Variants in ANXA7 observed in about 807,000 individuals in gnomAD.
ANXA7 encodes annexin A7, also known as annexin VII.
A neutral mutation model predicts 64.9 loss-of-function variants in ANXA7; 55 were observed. The observed-to-expected ratio is 0.85, with a 90% CI of 0.68 to 1.06. The LOEUF (loss-of-function observed/expected upper bound fraction) is 1.06, where lower values mean the gene tolerates loss of function less well. Ranked by LOEUF, ANXA7 falls within the 50% of genes least tolerant of loss-of-function variation. The pLI, the probability that ANXA7 is intolerant of heterozygous loss-of-function variation, is 0.00. For synonymous variants in ANXA7, 200 were observed against 192.4 expected (o/e 1.04, Z -0.33); for missense variants, 548 against 582.1 (o/e 0.94, Z 0.60).
intron 1 of ANXA7, 91 bp from the exon 2 acceptor site, chr10:73,400,948 C>T: frequency 8.6e-7 from 1 of 1,164,108 alleles, no homozygotes; most frequent in East Asian, 2.9e-5. Flanking sequence ...CACTCTGTCA[C>T]CAGGTTGGAG....
At chr10:73,383,415 A>G (rs1180152798) in intron 8 of ANXA7, 70 bp from the exon 9 acceptor site, 2 of 1,460,300 alleles carry the variant, frequency 1.4e-6, no homozygotes, top group Non-Finnish European at 9.3e-7. Flanking sequence ...TCTTCGTCAA[A>G]TATTTCTTTG....
At chr10:73,399,068 C>T (rs370005429) in intron 2 of ANXA7, among the ~76,000 whole-genome samples, 44 of 152,158 alleles carry the variant, frequency 2.9e-4, no homozygotes, top group Middle Eastern at 3.2e-3. Flanking sequence ...AAACCTCTGG[C>T]AAATCCTCCA....
rs1165082338 is a variant in ANXA7, at chr10:73,379,958, C to T, written c.1090-4G>A. 6.2e-7 allele frequency: 1 copy of T among 1,613,544 alleles called. No individual in the cohort carries two copies. Among genetic ancestry groups the T allele is most frequent in the Non-Finnish European group, 8.5e-7 (1 of 1,179,920 alleles). On this transcript the variant is annotated splice_region_variant and splice_polypyrimidine_tract_variant and intron_variant, in intron 10 of 12. Coordinates refer to ENST00000372921, the MANE Select transcript of ANXA7 (RefSeq NM_001156.5). Reference sequence around the variant, plus strand: ...TTAACAAGTCTCGATTAGCCATCTGCAAACAAAATTAAAGGGTTAAATATT... The same window carrying T: ...TTAACAAGTCTCGATTAGCCATCTGTAAACAAAATTAAAGGGTTAAATATT...
At chr10:73,396,977 C>T (rs2055586237) in intron 4 of ANXA7, among the ~76,000 whole-genome samples, 187 bp downstream of exon 4, 1 of 152,070 alleles carries the variant, frequency 6.6e-6, no homozygotes, top group Non-Finnish European at 1.5e-5. Context: ...GTGACTTTAT[C>T]TCTATTTTAC....
intron 5 of ANXA7, among the ~76,000 whole-genome samples, chr10:73,395,560 GA>G (rs2055555882): frequency 1.3e-5 from 2 of 152,138 alleles, no homozygotes; most frequent in Admixed American, 1.3e-4. Flanking sequence ...GAGGCAGGTG[GA>G]TCACCTGAGG....
At chr10:73,386,071 G>A (rs2055364621) in intron 7 of ANXA7, among the ~76,000 whole-genome samples, 1 of 151,986 alleles carries the variant, frequency 6.6e-6, no homozygotes, top group African/African-American at 2.4e-5. Flanking sequence ...AAAATTAGCT[G>A]GGTGTGGTGG....
intron 5 of ANXA7, among the ~76,000 whole-genome samples, chr10:73,394,974 G>C (rs1166861233): frequency 6.6e-6 from 1 of 152,132 alleles, no homozygotes; most frequent in African/African-American, 2.4e-5. Context: ...TTATATGCAT[G>C]CTTAAACTAA....
intron 1 of ANXA7, among the ~76,000 whole-genome samples, chr10:73,409,865 C>T (rs763513157): frequency 6.6e-6 from 1 of 152,106 alleles, no homozygotes; most frequent in Non-Finnish European, 1.5e-5. Context: ...AAGCCAAATA[C>T]ATACAGCCAA....
chr10:73,394,700 G>A (rs1251366561), intron 5 of ANXA7, among the ~76,000 whole-genome samples: 2 of 152,132 alleles, frequency 1.3e-5, no homozygotes, highest in Non-Finnish European at 2.9e-5. Context: ...TCACACACCA[G>A]GGACTGTCGT....
intron 5 of ANXA7, 59 bp downstream of exon 5, chr10:73,396,460 G>GAT (rs1426065618): frequency 4.5e-5 from 58 of 1,295,902 alleles, no homozygotes; most frequent in Non-Finnish European, 6.2e-5. Context: ...CTCAGCAAAG[G>GAT]ATAGGTTCCT....
intron 1 of ANXA7, among the ~76,000 whole-genome samples, chr10:73,406,687 A>G (rs1195404713): frequency 6.6e-6 from 1 of 152,104 alleles, no homozygotes; most frequent in Non-Finnish European, 1.5e-5. Flanking sequence ...CTCTCATCTC[A>G]GTCTCCTGAA....
Position 73,403,032 on chromosome 10 carries a change from C to T in ANXA7, c.-1-2175G>A, listed in dbSNP as rs564898845. Among the ~76,000 whole-genome samples, 34 of 152,286 alleles carry T rather than the reference C, an allele frequency of 2.2e-4. No homozygotes were observed. The South Asian group carries it at 3.9e-3, about 18-fold the overall frequency. The stretch of plus-strand genomic sequence containing the variant: ...TAGAGATGGGGTTTCACCATCTTGG[C>T]CAGGCTGGTCTTGAACTACTGACCT... On this transcript the variant is annotated intron_variant, in intron 1 of 12. Coordinates refer to ENST00000372921, the MANE Select transcript of ANXA7 (RefSeq NM_001156.5).
chr10:73,386,214 TAAAA>T (rs377002771), intron 7 of ANXA7, among the ~76,000 whole-genome samples: 3 of 83,396 alleles, frequency 3.6e-5, no homozygotes, highest in Non-Finnish European at 5.6e-5. Context: ...CAAAAAAAAG[TAAAA>T]AAAAAAAAAA....
Position 73,396,437 on chromosome 10 carries a change from G to T in ANXA7, c.435+82C>A. The stretch of plus-strand genomic sequence containing the variant: ...ATTACTATAATGGGCCATTTCCTCC[G>T]ACCCATGGAAACCTCAGCAAAGGAT... On this transcript the variant is annotated intron_variant, in intron 5 of 12. Transcript: ENST00000372921. The T allele has an allele frequency of 4.0e-6, 4 of 1,003,350 alleles. No homozygotes were observed. The South Asian group carries it at 4.6e-5, about 11-fold the overall frequency. 62.2% of individuals were successfully genotyped at this position (1,003,350 alleles called of 1,614,324 possible).
intron 9 of ANXA7, among the ~76,000 whole-genome samples, chr10:73,382,868 G>A (rs2055296941): frequency 6.6e-6 from 1 of 152,064 alleles, no homozygotes; most frequent in Non-Finnish European, 1.5e-5. Flanking sequence ...GGGCATAATG[G>A]GCAGGATAGT....
intron 1 of ANXA7, among the ~76,000 whole-genome samples, chr10:73,407,656 C>T (rs1284802387): frequency 2.6e-5 from 4 of 152,228 alleles, no homozygotes; most frequent in Admixed American, 2.0e-4. Flanking sequence ...AAACCCAACT[C>T]AAGTCAACAT....
At position 73,396,582 on chromosome 10, in the gene ANXA7, A is replaced by G. The variant is rs771244872; in HGVS notation, c.372T>C (p.Gly124=). 11 of 1,601,002 alleles carry G rather than the reference A, an allele frequency of 6.9e-6. No homozygotes were observed. In the South Asian group the frequency reaches 1.2e-4, roughly 18 times the overall value. ...AAGGCATCTGTCCTCCAGGAAAGCC[A>G]CCTATAATGTTAAAAAAAATAATAA... ...GGGPAQVPLP[G]GFPGGQMPSQ... Residue 124 remains glycine (G), a splice_region_variant and synonymous_variant, in exon 5 of 13, where the codon GGT becomes GGC. Transcript: ENST00000372921.
At position 73,399,192 on chromosome 10, in the gene ANXA7, C is replaced by A. The variant is rs141117975; in HGVS notation, c.55-807G>T. 4.0e-3 allele frequency among the ~76,000 whole-genome samples: 608 copies of A among 152,300 alleles called. 1 individual carries two copies. Among genetic ancestry groups the A allele is most frequent in the Non-Finnish European group, 6.7e-3 (456 of 68,034 alleles). On this transcript the variant is annotated intron_variant, in intron 2 of 12. Transcript: ENST00000372921. Reference sequence around the variant, plus strand: ...GGAAGGAGCCTGGAAACCCAAAACACTGCATGAAACAAAGCCTCGTCCCAC... The same window carrying A: ...GGAAGGAGCCTGGAAACCCAAAACAATGCATGAAACAAAGCCTCGTCCCAC...
intron 9 of ANXA7, among the ~76,000 whole-genome samples, chr10:73,382,206 T>C (rs2055286885): frequency 6.6e-6 from 1 of 152,184 alleles, no homozygotes; most frequent in African/African-American, 2.4e-5. Context: ...CCTCCTCTCC[T>C]TTAGATCCCT....
Sources: allele counts gnomAD v4.1 joint callset (sites outside exome capture counted in the v4.1 genomes callset), GRCh38; gene constraint gnomAD v4.1.1; transcripts MANE v1.5; gene names NCBI Gene and HGNC (gene_info 2026-07-23, HGNC 2026-07-21).